IMMP2L: variants seen among roughly 807,000 people sequenced by gnomAD.
IMMP2L encodes inner mitochondrial membrane peptidase subunit 2, also known as mitochondrial inner membrane protease subunit 2.
A neutral mutation model predicts 19.3 loss-of-function variants in IMMP2L; 18 were observed. That is an observed-to-expected ratio of 0.93 (90% CI 0.64 to 1.38). The LOEUF (loss-of-function observed/expected upper bound fraction) is 1.38, where lower values mean the gene tolerates loss of function less well. Ranked by LOEUF, IMMP2L falls within the 40% of genes most tolerant of loss-of-function variation. The pLI is 0.00. For synonymous variants in IMMP2L, 76 were observed against 73.0 expected (o/e 1.04, Z -0.21); for missense variants, 233 against 218.2 (o/e 1.07, Z -0.43).
At chr7:111,234,312 C>T (rs183291813) in intron 3 of IMMP2L, among the ~76,000 whole-genome samples, 1 of 152,162 alleles carries the variant, frequency 6.6e-6, no homozygotes, top group East Asian at 1.9e-4. Context: ...GCCAGTTACA[C>T]CAGATTCATA....
chr7:111,065,065 G>A (rs1262811507), intron 3 of IMMP2L, among the ~76,000 whole-genome samples: 1 of 152,218 alleles, frequency 6.6e-6, no homozygotes, highest in Non-Finnish European at 1.5e-5. Context: ...GGTAGTACAA[G>A]AAGGCAGTCA....
intron 3 of IMMP2L, among the ~76,000 whole-genome samples, chr7:111,146,246 AG>A (rs1803459204): frequency 2.8e-5 from 1 of 35,828 alleles, no homozygotes; most frequent in African/African-American, 1.1e-4. Flanking sequence ...TGGGGGAGGG[AG>A]GGGAGGAAAG....
chr7:111,284,517 G>A lies in IMMP2L; in HGVS notation c.239+202721C>T, dbSNP rs532612296. Among the ~76,000 whole-genome samples, 18 of 152,258 alleles carry A rather than the reference G, an allele frequency of 1.2e-4. No homozygotes were observed. The East Asian group carries it at 2.7e-3, about 23-fold the overall frequency. ...CTTGAAGGGAAATCCATGATTCTTAGAAGTGGAAGAGTTTAGGGAGGAATG... is the reference window on the plus strand; with the variant it reads ...CTTGAAGGGAAATCCATGATTCTTAAAAGTGGAAGAGTTTAGGGAGGAATG... On this transcript the variant is annotated intron_variant, in intron 3 of 5. Coordinates refer to ENST00000405709, the MANE Select transcript of IMMP2L (RefSeq NM_032549.4).
At chr7:111,122,606 A>G (rs1800784750) in intron 3 of IMMP2L, 2 of 600,830 alleles carry the variant, frequency 3.3e-6, no homozygotes, top group East Asian at 2.8e-5. Context: ...GGACAATGCA[A>G]TTGTGGCACT....
chr7:111,323,202 C>T (rs1393176140), intron 3 of IMMP2L, among the ~76,000 whole-genome samples: 2 of 151,896 alleles, frequency 1.3e-5, no homozygotes, highest in Non-Finnish European at 2.9e-5. Flanking sequence ...TTCTTTCAGG[C>T]AACCTACAGA....
intron 4 of IMMP2L, among the ~76,000 whole-genome samples, chr7:110,899,785 C>T (rs994354565): frequency 3.3e-5 from 5 of 152,134 alleles, no homozygotes; most frequent in Non-Finnish European, 7.3e-5. Flanking sequence ...GATCAGAGCA[C>T]CTGTATGTTT....
At chr7:111,337,662 T>A (rs1020897298) in intron 3 of IMMP2L, among the ~76,000 whole-genome samples, 15 of 152,020 alleles carry the variant, frequency 9.9e-5, no homozygotes, top group Non-Finnish European at 1.9e-4. Context: ...CTAAGTACCA[T>A]ACATGGGCAG....
chr7:110,939,486 G>A (rs543693383), intron 4 of IMMP2L, among the ~76,000 whole-genome samples: 1 of 151,730 alleles, frequency 6.6e-6, no homozygotes, highest in African/African-American at 2.4e-5. Context: ...GTGGCACGAA[G>A]TCTGTTCTAC....
At position 110,927,837 on chromosome 7, in the gene IMMP2L, T is replaced by C. The variant is rs74826334; in HGVS notation, c.305+35663A>G. ...AATAGAAAACTATATACCCTTGTTT[T>C]AAGTCTCTAATGTAAGAAGGCTTTC... is the stretch of plus-strand genomic sequence containing the variant. On this transcript the variant is annotated intron_variant, in intron 4 of 5. Transcript: ENST00000405709. Among the ~76,000 whole-genome samples, 1,337 of 152,250 alleles carry C rather than the reference T, an allele frequency of 8.8e-3. 33 individuals carry two copies. In the East Asian group the frequency reaches 0.11, roughly 13 times the overall value.
intron 3 of IMMP2L, among the ~76,000 whole-genome samples, chr7:111,034,896 T>G (rs1232398920): frequency 6.6e-6 from 1 of 152,130 alleles, no homozygotes; most frequent in Non-Finnish European, 1.5e-5. Context: ...AAGAGCTGAG[T>G]AAACATTGTT....
intron 3 of IMMP2L, among the ~76,000 whole-genome samples, chr7:111,278,089 GA>G (rs1819297088): frequency 6.6e-6 from 1 of 152,100 alleles, no homozygotes; most frequent in African/African-American, 2.4e-5. Flanking sequence ...GAGGATGGGA[GA>G]GGGGTGAGGG....
At chr7:110,841,337 TATG>T (rs1290287422) in intron 5 of IMMP2L, among the ~76,000 whole-genome samples, 1 of 152,004 alleles carries the variant, frequency 6.6e-6, no homozygotes, top group Middle Eastern at 3.2e-3. Flanking sequence ...AATGTTTTAA[TATG>T]ATGAGATGGA....
At chr7:110,944,309 C>T (rs921658294) in intron 4 of IMMP2L, among the ~76,000 whole-genome samples, 2 of 151,920 alleles carry the variant, frequency 1.3e-5, no homozygotes, top group African/African-American at 2.4e-5. Flanking sequence ...GACAATCATT[C>T]CTGTCAGGGT....
At chr7:110,794,477 C>T (rs529741668) in intron 5 of IMMP2L, among the ~76,000 whole-genome samples, 6 of 151,784 alleles carry the variant, frequency 4.0e-5, no homozygotes, top group Non-Finnish European at 8.8e-5. Flanking sequence ...GTTTTAGTGC[C>T]GATTAAAGAT....
chr7:110,855,157 T>C (rs1806630934), intron 5 of IMMP2L, among the ~76,000 whole-genome samples: 1 of 151,776 alleles, frequency 6.6e-6, no homozygotes. Context: ...AAAGAAAATA[T>C]ATGGGGAAAA....
chr7:110,779,164 C>A (rs1799580536), intron 5 of IMMP2L, among the ~76,000 whole-genome samples: 1 of 151,930 alleles, frequency 6.6e-6, no homozygotes, highest in Non-Finnish European at 1.5e-5. Flanking sequence ...AGTCCCAGCA[C>A]AAACTGGCCA....
Position 110,946,675 on chromosome 7 carries a change from CACG to C in IMMP2L, c.305+16822_305+16824del, listed in dbSNP as rs779216801. Among the ~76,000 whole-genome samples, 4 of 150,462 alleles carry C rather than the reference CACG, an allele frequency of 2.7e-5. No homozygotes were observed. The East Asian group carries it at 7.8e-4, about 29-fold the overall frequency. ...GAAGATATATTTGATCTAAATATGA[CACG>C]ACATTAACATATTAAAACTGTTAAG... On this transcript the variant is annotated intron_variant, in intron 4 of 5. Coordinates refer to ENST00000405709, the MANE Select transcript of IMMP2L (RefSeq NM_032549.4).
intron 3 of IMMP2L, among the ~76,000 whole-genome samples, chr7:111,072,787 C>T (rs1017285258): frequency 6.6e-6 from 1 of 151,304 alleles, no homozygotes; most frequent in African/African-American, 2.4e-5. Context: ...CTCAGCTACT[C>T]GGGAGGCTGA....
At chr7:110,720,891 T>C (rs1265345530) in intron 5 of IMMP2L, among the ~76,000 whole-genome samples, 1 of 152,094 alleles carries the variant, frequency 6.6e-6, no homozygotes, top group Non-Finnish European at 1.5e-5. Flanking sequence ...TAGGAACACA[T>C]ATTTCTCCTC....
Sources: gnomAD v4.1 joint callset for allele counts (sites outside exome capture counted in the v4.1 genomes callset) on GRCh38, gnomAD v4.1.1 for gene constraint, MANE v1.5 for transcripts, NCBI Gene and HGNC (gene_info 2026-07-23, HGNC 2026-07-21) for gene names.